Variants in XRN1 observed in about 807,000 individuals in gnomAD.
XRN1 encodes the protein strand-exchange protein 1 homolog.
XRN1 carries 67 observed loss-of-function variants against 222.3 expected under a neutral mutation model. The observed-to-expected ratio is 0.30, with a 90% CI of 0.25 to 0.37. The LOEUF is 0.37. XRN1 is among the 10% of genes least tolerant of loss of function. XRN1 has a pLI of 1.00. For missense variants in XRN1, 1,707 were observed against 2,000.2 expected, an observed-to-expected ratio of 0.85 and a Z score of 2.80; for synonymous variants, 643 against 652.4, an observed-to-expected ratio of 0.99 and a Z score of 0.22.
intron 37 of XRN1, among the ~76,000 whole-genome samples, chr3:142,328,705 A>T (rs542159419): frequency 0.33 from 172 of 528 alleles, no homozygotes; most frequent in South Asian, 0.41. Context: ...TTGTAATATT[A>T]TATATATATA....
intron 2 of XRN1, among the ~76,000 whole-genome samples, chr3:142,427,125 T>C (rs1021149225): frequency 1.3e-5 from 2 of 151,758 alleles, no homozygotes; most frequent in Non-Finnish European, 2.9e-5. Flanking sequence ...AGTCTAGGAG[T>C]TCAAGACCAG....
Position 142,383,362 on chromosome 3 carries a change from A to G in XRN1, c.2554T>C (p.Leu852=). ...RFSNIKTLDD[L]FPLRSMVFML... ...AAGACCATACTTCTCAGAGGAAACA[A>G]ATCATCCAATGTTTTGATATTGGAG... Residue 852 remains leucine, a synonymous_variant, in exon 22 of 41, where the codon TTG becomes CTG. Transcript: ENST00000392981. The G allele has an allele frequency of 6.2e-7, 1 of 1,614,080 alleles. No individual in the cohort carries two copies.
chr3:142,445,728 T>C (rs1577471441), intron 1 of XRN1, among the ~76,000 whole-genome samples: 4 of 152,226 alleles, frequency 2.6e-5, no homozygotes, highest in Non-Finnish European at 4.4e-5. Context: ...CCCTTTTCCT[T>C]AGGGCTCTGG....
At chr3:142,418,304 A>G (rs2068865224) in intron 12 of XRN1, 200 bp downstream of exon 12, 2 of 459,684 alleles carry the variant, frequency 4.4e-6, no homozygotes, top group Admixed American at 8.1e-5. Flanking sequence ...TTTTCTCTTC[A>G]GCAATTTTTA....
rs184586540 is a variant in XRN1, at chr3:142,359,835, G to A, written c.3464+27C>T. 8.6e-6 allele frequency: 13 copies of A among 1,509,720 alleles called. No individual in the cohort carries two copies. The East Asian group carries it at 2.5e-4, about 29-fold the overall frequency. 93.5% of individuals were successfully genotyped at this position (1,509,720 alleles called of 1,614,324 possible). A position where few individuals can be genotyped will look rare whatever the true frequency, so the allele number is the denominator to read the frequency against. On this transcript the variant is annotated intron_variant, in intron 30 of 40. Transcript: ENST00000392981. Reference sequence around the variant, plus strand: ...CTGGCCACATGAACATATTCACAAAGGGCAATTATCATTGGGAAATACAAA... The same window carrying A: ...CTGGCCACATGAACATATTCACAAAAGGCAATTATCATTGGGAAATACAAA...
chr3:142,371,104 C>G (rs867851705), intron 26 of XRN1, 135 bp downstream of exon 26: 98 of 726,222 alleles, frequency 1.3e-4, no homozygotes, highest in Middle Eastern at 7.4e-4. Context: ...CCACTGCATT[C>G]GGGCAAGAGA....
chr3:142,347,924 T>G (rs2066195348), intron 32 of XRN1, among the ~76,000 whole-genome samples: 1 of 152,118 alleles, frequency 6.6e-6, no homozygotes, highest in South Asian at 2.1e-4. Context: ...ATAAAAGAAT[T>G]AAATCTAATT....
At position 142,332,856 on chromosome 3, in the gene XRN1, G is replaced by GTAAC. The variant is rs2065739093; in HGVS notation, c.4062+107_4062+110dup. The GTAAC allele has an allele frequency of 4.1e-6, 6 of 1,452,082 alleles. No homozygotes were observed. In the Middle Eastern group the frequency reaches 7.3e-4, roughly 177 times the overall value. The allele number at this position is 1,452,082 out of a possible 1,614,324, so 89.9% of individuals were successfully genotyped here. A position where few individuals can be genotyped will look rare whatever the true frequency, so the allele number is the denominator to read the frequency against. Reference sequence around the variant, plus strand: ...TTCCTCACAAGATGACAATAATGATGTAACATACCAGCCTCCATGATGGAA... The same window carrying GTAAC: ...TTCCTCACAAGATGACAATAATGATGTAACTAACATACCAGCCTCCATGATGGAA... On this transcript the variant is annotated intron_variant, in intron 35 of 40. Coordinates refer to ENST00000392981, the MANE Select transcript of XRN1 (RefSeq NM_001282857.2).
intron 32 of XRN1, 79 bp from the exon 33 acceptor site, chr3:142,347,421 A>G: frequency 3.3e-6 from 3 of 912,786 alleles, no homozygotes; most frequent in Non-Finnish European, 3.1e-6. Flanking sequence ...TAATAAATAC[A>G]TTTTTATAAA....
rs1285671914 is a variant in XRN1, at chr3:142,384,680, A to C, written c.2345T>G (p.Leu782Arg). The C allele has an allele frequency of 3.8e-6, 6 of 1,585,012 alleles. No homozygotes were observed. In the Admixed American group the frequency reaches 1.1e-4, roughly 29 times the overall value. The stretch of plus-strand genomic sequence containing the variant: ...ATTTATTATTATTCCTTTTCTTCTC[A>C]GGTAGCTAAAATAAAGAATAAACAT... ...KEVQGISEHY[L>R]RRKGIIINET... is the part of the protein sequence containing the mutation. Residue 782 changes from leucine (L) to arginine (R), a missense_variant, in exon 21 of 41, where the codon CTG (leucine) becomes CGG (arginine). Physicochemically the swap from Leu to Arg is moderately radical, Grantham distance 102. This residue lies in a region of XRN1 where 1,234 missense variants were observed against 1,518.2 expected (regional missense o/e 0.81). Coordinates refer to ENST00000392981, the MANE Select transcript of XRN1 (RefSeq NM_001282857.2).
At chr3:142,335,615 T>TTTTTAAGAAATTTTAAG (rs1356851082) in intron 33 of XRN1, 106 bp from the exon 34 acceptor site, 1 of 1,001,922 alleles carries the variant, frequency 1.0e-6, no homozygotes, top group African/African-American at 1.6e-5. Context: ...ATTCAGAGAA[T>TTTTTAAGAAATTTTAAG]TTCAAGACAC....
At chr3:142,330,727 T>C (rs1402632186) in intron 36 of XRN1, among the ~76,000 whole-genome samples, 1 of 152,076 alleles carries the variant, frequency 6.6e-6, no homozygotes, top group Non-Finnish European at 1.5e-5. Context: ...CTATAATAAA[T>C]AATCAGGTTC....
At position 142,319,865 on chromosome 3, in the gene XRN1, TTACATGGTGTGTGTATAGGATAGTAG is replaced by T. The variant is rs1577211185; in HGVS notation, c.4405-988_4405-963del. Among the ~76,000 whole-genome samples the T allele has an allele frequency of 5.3e-5, 8 of 152,132 alleles. No individual in the cohort carries two copies. In the East Asian group the frequency reaches 9.7e-4, roughly 18 times the overall value. ...TCATTCTTTTTATGGCTGGATAATATTACATGGTGTGTGTATAGGATAGTAGTACATGGTGTGTGTATACACACACA... is the reference window on the plus strand; with the variant it reads ...TCATTCTTTTTATGGCTGGATAATATTACATGGTGTGTGTATACACACACA... On this transcript the variant is annotated intron_variant, in intron 37 of 40. Transcript: ENST00000392981.
chr3:142,386,280 A>G (rs2067496034), intron 20 of XRN1, among the ~76,000 whole-genome samples: 1 of 152,066 alleles, frequency 6.6e-6, no homozygotes, highest in Admixed American at 6.5e-5. Flanking sequence ...AAAATCTTAA[A>G]ACAAACTTAA....
chr3:142,426,641 C>T, intron 3 of XRN1, 103 bp downstream of exon 3: 1 of 1,154,808 alleles, frequency 8.7e-7, no homozygotes, highest in Non-Finnish European at 1.2e-6. Flanking sequence ...AAATGGAACC[C>T]TAAGGCCAAA....
chr3:142,313,247 C>A, intron 39 of XRN1: 1 of 1,516,882 alleles, frequency 6.6e-7, no homozygotes, highest in South Asian at 1.2e-5. Flanking sequence ...TCTTTCTTTT[C>A]TCTATTTTAA....
intron 2 of XRN1, among the ~76,000 whole-genome samples, chr3:142,430,224 C>T (rs1340920407): frequency 6.6e-6 from 1 of 152,184 alleles, no homozygotes; most frequent in Non-Finnish European, 1.5e-5. Flanking sequence ...GATTCCCGCC[C>T]TTTTGGCTTT....
intron 29 of XRN1, among the ~76,000 whole-genome samples, chr3:142,364,016 T>C (rs2066737374): frequency 6.6e-6 from 1 of 152,188 alleles, no homozygotes; most frequent in South Asian, 2.1e-4. Context: ...GAACCACTGT[T>C]CAAATTTAGG....
intron 30 of XRN1, among the ~76,000 whole-genome samples, chr3:142,358,300 T>C (rs1381968608): frequency 6.6e-6 from 1 of 152,184 alleles, no homozygotes; most frequent in African/African-American, 2.4e-5. Flanking sequence ...GTGATTTCCA[T>C]CTTTCATGGC....
Sources: allele counts gnomAD v4.1 joint callset (sites outside exome capture counted in the v4.1 genomes callset), GRCh38; gene constraint gnomAD v4.1.1; regional missense constraint gnomAD v4.1.1; transcripts MANE v1.5; gene names NCBI Gene and HGNC (gene_info 2026-07-23, HGNC 2026-07-21).